NOL4: variants seen among roughly 807,000 people sequenced by gnomAD.
NOL4 encodes cancer/testis antigen 125.
NOL4 carries 17 observed loss-of-function variants against 75.9 expected under a neutral mutation model. That is an observed-to-expected ratio of 0.22 (90% CI 0.15 to 0.34). NOL4 has a LOEUF of 0.34. Among genes scored for constraint, NOL4 ranks in the 10% least tolerant of loss-of-function variants. NOL4 has a pLI of 1.00. For missense variants in NOL4, 614 were observed against 793.5 expected, an observed-to-expected ratio of 0.77 and a Z score of 2.72; for synonymous variants, 292 against 289.9, an observed-to-expected ratio of 1.01 and a Z score of -0.07.
intron 6 of NOL4, among the ~76,000 whole-genome samples, chr18:33,987,849 C>A (rs2072584817): frequency 6.6e-6 from 1 of 152,014 alleles, no homozygotes; most frequent in Non-Finnish European, 1.5e-5. Flanking sequence ...ATTGAGGAGA[C>A]TTGGAGCCAC....
intron 8 of NOL4, among the ~76,000 whole-genome samples, chr18:33,953,783 A>C (rs960359630): frequency 6.6e-6 from 1 of 152,166 alleles, no homozygotes; most frequent in Non-Finnish European, 1.5e-5. Context: ...AAAGATTTGT[A>C]TATTTTTGGT....
chr18:34,202,060 TTG>T (rs2035780485), intron 1 of NOL4, among the ~76,000 whole-genome samples: 1 of 151,898 alleles, frequency 6.6e-6, no homozygotes, highest in Non-Finnish European at 1.5e-5. Flanking sequence ...TAAATTGTAT[TTG>T]TCCTGGATCT....
intron 6 of NOL4, among the ~76,000 whole-genome samples, chr18:33,988,531 G>T (rs1216191636): frequency 6.6e-6 from 1 of 152,036 alleles, no homozygotes; most frequent in East Asian, 1.9e-4. Flanking sequence ...CTCTCCTCAT[G>T]GGCATGAGAT....
At chr18:34,082,447 C>T (rs1374920554) in intron 5 of NOL4, among the ~76,000 whole-genome samples, 1 of 152,140 alleles carries the variant, frequency 6.6e-6, no homozygotes, top group Non-Finnish European at 1.5e-5. Context: ...GCCTAGCGTT[C>T]AGTAAACAGT....
chr18:33,853,558 G>A (rs985904221), intron 10 of NOL4, among the ~76,000 whole-genome samples: 1 of 152,034 alleles, frequency 6.6e-6, no homozygotes, highest in African/African-American at 2.4e-5. Context: ...GTTTGACAAC[G>A]TTTAAGTGGC....
chr18:34,164,810 T>A (rs1257065239), intron 1 of NOL4, among the ~76,000 whole-genome samples: 2 of 151,842 alleles, frequency 1.3e-5, no homozygotes, highest in African/African-American at 4.8e-5. Flanking sequence ...ATTGCGGCAC[T>A]ATTCACAATA....
rs142062311 is a variant in NOL4, at chr18:34,051,839, T to A, written c.773-32238A>T. The stretch of plus-strand genomic sequence containing the variant: ...GAAATGAATGTATTTTAAGTATTAG[T>A]GCTTCAGAGGAAAATAAATTCAAAT... On this transcript the variant is annotated intron_variant, in intron 5 of 10. Transcript: ENST00000261592. Among the ~76,000 whole-genome samples, 26 of 152,108 alleles carry A rather than the reference T, an allele frequency of 1.7e-4. No homozygotes were observed. The East Asian group carries it at 5.0e-3, about 29-fold the overall frequency.
chr18:34,184,330 A>G (rs1424324430), intron 1 of NOL4, among the ~76,000 whole-genome samples: 2 of 152,014 alleles, frequency 1.3e-5, no homozygotes, highest in Non-Finnish European at 2.9e-5. Flanking sequence ...TAATAACATG[A>G]TACAATTATG....
chr18:33,867,036 C>T (rs997877687), intron 10 of NOL4, among the ~76,000 whole-genome samples: 2 of 152,054 alleles, frequency 1.3e-5, no homozygotes, highest in African/African-American at 4.8e-5. Context: ...ATTTGTACTC[C>T]CCTACCATTC....
At chr18:33,964,509 AAAGG>A (rs150494514) in intron 6 of NOL4, among the ~76,000 whole-genome samples, 2,229 of 152,062 alleles carry the variant, frequency 0.015, 53 homozygotes, top group African/African-American at 0.049. Flanking sequence ...GAAAGAAAAG[AAAGG>A]AAGGAAGGAA....
At chr18:34,194,088 G>A (rs2146425827) in intron 1 of NOL4, among the ~76,000 whole-genome samples, 1 of 152,154 alleles carries the variant, frequency 6.6e-6, no homozygotes, top group Non-Finnish European at 1.5e-5. Flanking sequence ...ATAGGGGTTG[G>A]GGAAATGTTG....
At position 34,019,548 on chromosome 18, in the gene NOL4, T is replaced by C. The variant is rs570651207; in HGVS notation, c.826A>G (p.Ile276Val). 1.6e-5 allele frequency: 26 copies of C among 1,613,988 alleles called. No individual in the cohort carries two copies. The East Asian group carries it at 3.6e-4, about 22-fold the overall frequency. The part of the protein sequence containing the change: ...NGNETLGHSS[I>V]ASGGTHSREM... ...CTGCTGTGTGTTCCCCCTGAAGCAATTGAACTGTGCCCCAGAGTCTCATTG... is the reference window on the plus strand; with the variant it reads ...CTGCTGTGTGTTCCCCCTGAAGCAACTGAACTGTGCCCCAGAGTCTCATTG... Residue 276 changes from isoleucine to valine, a missense_variant, in exon 6 of 11, where the codon ATT (isoleucine) becomes GTT (valine). Physicochemically the swap from Ile to Val is conservative, Grantham distance 29 (BLOSUM62 3). Around this residue, in one of 9 missense-constraint regions of NOL4, gnomAD observed 196 missense variants for 167.9 expected, o/e 1.17. Coordinates refer to ENST00000261592, the MANE Select transcript of NOL4 (RefSeq NM_003787.5).
chr18:34,070,167 GACT>G (rs2077452235), intron 5 of NOL4, among the ~76,000 whole-genome samples: 1 of 152,212 alleles, frequency 6.6e-6, no homozygotes, highest in African/African-American at 2.4e-5. Context: ...CAGTAGCTGG[GACT>G]ACAGGTGCCT....
chr18:34,094,554 T>G (rs1410812633), intron 4 of NOL4, among the ~76,000 whole-genome samples: 2 of 152,248 alleles, frequency 1.3e-5, no homozygotes, highest in African/African-American at 4.8e-5. Flanking sequence ...ATTATTGCAG[T>G]CATTTTTCTG....
At chr18:34,144,832 A>G (rs1032549153) in intron 1 of NOL4, among the ~76,000 whole-genome samples, 1 of 152,170 alleles carries the variant, frequency 6.6e-6, no homozygotes, top group Admixed American at 6.6e-5. Flanking sequence ...AAAGGCTGAC[A>G]TGCAGTTCTC....
At chr18:33,895,375 A>G (rs969591106) in intron 9 of NOL4, among the ~76,000 whole-genome samples, 8 of 152,112 alleles carry the variant, frequency 5.3e-5, no homozygotes, top group Admixed American at 4.6e-4. Context: ...GTTTAAATGT[A>G]ACACTTTCCA....
At chr18:33,956,297 TGAA>T (rs754239863) in intron 8 of NOL4, among the ~76,000 whole-genome samples, 3 of 152,142 alleles carry the variant, frequency 2.0e-5, no homozygotes, top group Non-Finnish European at 4.4e-5. Flanking sequence ...CTAATGAAAA[TGAA>T]GACAGTATTG....
intron 9 of NOL4, among the ~76,000 whole-genome samples, chr18:33,935,175 C>A (rs2067977395): frequency 6.6e-6 from 1 of 152,064 alleles, no homozygotes; most frequent in Non-Finnish European, 1.5e-5. Context: ...GAGTAGCATT[C>A]TAATATTCTC....
intron 6 of NOL4, among the ~76,000 whole-genome samples, chr18:33,959,654 T>C (rs1441492565): frequency 1.3e-5 from 2 of 152,076 alleles, no homozygotes; most frequent in Non-Finnish European, 2.9e-5. Flanking sequence ...AGACATCACA[T>C]ACAATAAAGC....
Sources: gnomAD v4.1 joint callset for allele counts (sites outside exome capture counted in the v4.1 genomes callset) on GRCh38, gnomAD v4.1.1 for gene constraint, gnomAD v4.1.1 regional missense constraint, MANE v1.5 for transcripts, NCBI Gene and HGNC (gene_info 2026-07-23, HGNC 2026-07-21) for gene names.